Variants in RTN4IP1 observed in about 807,000 individuals in gnomAD.
RTN4IP1 encodes NAD(P)H oxidoreductase RTN4IP1, mitochondrial.
In RTN4IP1, 32 loss-of-function variants were observed where a neutral mutation model predicts 46.6. That is an observed-to-expected ratio of 0.69 (90% confidence interval 0.52 to 0.92). The LOEUF is 0.92. Among genes scored for constraint, RTN4IP1 ranks in the 40% least tolerant of loss-of-function variants. The probability of loss-of-function intolerance (pLI) is 0.00; values close to 1 mark genes in which losing one functional copy is unlikely to be tolerated. For synonymous variants in RTN4IP1, 167 were observed against 161.8 expected, an observed-to-expected ratio of 1.03 and a Z score of -0.24; for missense variants, 424 against 485.8, an observed-to-expected ratio of 0.87 and a Z score of 1.20.
chr6:106,583,433 A>G lies in RTN4IP1; in HGVS notation c.991-13T>C. 1 of 1,597,618 alleles carries G rather than the reference A, an allele frequency of 6.3e-7. No homozygotes were observed. The highest frequency in any genetic ancestry group is 8.6e-7 in the Non-Finnish European group (1 of 1,166,250). ...CTTTCCAGAAATGCTAAAAAGAAGA[A>G]AACAAAACATGTCAAATACAGAAAA... On this transcript the variant is annotated splice_polypyrimidine_tract_variant and intron_variant, in intron 7 of 8. Coordinates refer to ENST00000369063, the MANE Select transcript of RTN4IP1 (RefSeq NM_032730.5).
At chr6:106,619,606 ATT>A (rs869120910) in intron 3 of RTN4IP1, among the ~76,000 whole-genome samples, 2,557 of 110,282 alleles carry the variant, frequency 0.023, 50 homozygotes, top group East Asian at 0.16. Flanking sequence ...ACTTTTCTTC[ATT>A]TTTTTTTTTT....
chr6:106,626,620 A>G (rs1424870915), intron 1 of RTN4IP1, among the ~76,000 whole-genome samples: 1 of 152,210 alleles, frequency 6.6e-6, no homozygotes, highest in Admixed American at 6.5e-5. Flanking sequence ...TAATACATCA[A>G]CTGAGTAGCC....
At chr6:106,586,121 C>T (rs1013100629) in intron 7 of RTN4IP1, among the ~76,000 whole-genome samples, 2 of 152,170 alleles carry the variant, frequency 1.3e-5, no homozygotes, top group Non-Finnish European at 2.9e-5. Context: ...TCCATCATAG[C>T]TCTTTGTTAC....
At chr6:106,611,709 AAATC>A (rs1166049203) in intron 4 of RTN4IP1, among the ~76,000 whole-genome samples, 38 of 152,210 alleles carry the variant, frequency 2.5e-4, no homozygotes, top group Non-Finnish European at 2.1e-4. Context: ...GCTACAAAAC[AAATC>A]AATCAAAGGA....
At chr6:106,629,712 G>A, upstream of RTN4IP1, 1 of 1,605,262 alleles carries the variant, frequency 6.2e-7, no homozygotes, top group African/African-American at 1.3e-5. Context: ...AGAAGTGAGT[G>A]GAATTGGCCC....
intron 6 of RTN4IP1, among the ~76,000 whole-genome samples, chr6:106,589,174 AGG>A (rs1775563307): frequency 1.9e-4 from 4 of 21,602 alleles, no homozygotes; most frequent in Non-Finnish European, 2.1e-4. Flanking sequence ...GAGGCGGTGG[AGG>A]AGGAGGAGGA....
chr6:106,629,650 G>C, upstream of RTN4IP1: 1 of 1,595,742 alleles, frequency 6.3e-7, no homozygotes, highest in Non-Finnish European at 8.5e-7. Context: ...CCCTTGCCTG[G>C]CTCCTGTGGT....
chr6:106,580,169 G>A (rs372825493), intron 8 of RTN4IP1, among the ~76,000 whole-genome samples: 117 of 144,804 alleles, frequency 8.1e-4, no homozygotes, highest in African/African-American at 2.9e-3. Flanking sequence ...AGCTGAGATC[G>A]CGCCACTGCA....
rs72945076 is a variant in RTN4IP1 at position 106,623,093 on chromosome 6, C to A, written c.275-124G>T. On this transcript the variant is annotated intron_variant, in intron 1 of 8. Coordinates refer to ENST00000369063, the MANE Select transcript of RTN4IP1 (RefSeq NM_032730.5). ...ATGTAGATTATAAATCATTCCATTA[C>A]AAAGACACATAAGTGTATGTTCACT... 0.056 allele frequency: 51,328 copies of A among 913,490 alleles called. 1,556 individuals are homozygous for A. The highest frequency in any genetic ancestry group is 0.099 in the Middle Eastern group (294 of 2,962). The allele number at this position is 913,490 out of a possible 1,614,324, so 56.6% of individuals were successfully genotyped here.
In RTN4IP1 at chr6:106,629,307, G is replaced by C. The variant is rs1038322900; in HGVS notation, c.-286C>G. On this transcript the variant is annotated 5_prime_UTR_variant, in exon 1 of 9. Coordinates refer to ENST00000369063, the MANE Select transcript of RTN4IP1 (RefSeq NM_032730.5). ...CCCCCTCCACTTTAAAAAAAAAAGG[G>C]GGGGCGGGGCATTAAAAAGCAGGTG... 3 of 531,242 alleles carry C rather than the reference G, an allele frequency of 5.6e-6. No individual in the cohort carries two copies. The African/African-American group carries it at 5.7e-5, about 10-fold the overall frequency. 32.9% of individuals were successfully genotyped at this position (531,242 alleles called of 1,614,324 possible).
At chr6:106,574,480 C>T (rs1396184876) in intron 8 of RTN4IP1, among the ~76,000 whole-genome samples, 2 of 151,914 alleles carry the variant, frequency 1.3e-5, no homozygotes, top group African/African-American at 4.8e-5. Context: ...GTATGTCCCA[C>T]ATGAAACCTG....
chr6:106,619,672 C>T (rs547720395), intron 3 of RTN4IP1, among the ~76,000 whole-genome samples: 3 of 134,970 alleles, frequency 2.2e-5, no homozygotes, highest in Admixed American at 8.5e-5. Context: ...ACTGCAGTGG[C>T]GTGATCTCGG....
At chr6:106,624,554 C>G (rs1423638762) in intron 1 of RTN4IP1, among the ~76,000 whole-genome samples, 1 of 150,784 alleles carries the variant, frequency 6.6e-6, no homozygotes, top group Non-Finnish European at 1.5e-5. Context: ...CCAGGCTGGT[C>G]TCAAACTCCT....
chr6:106,622,222 A>T (rs1164450194), intron 2 of RTN4IP1, among the ~76,000 whole-genome samples: 2 of 152,224 alleles, frequency 1.3e-5, no homozygotes, highest in African/African-American at 2.4e-5. Context: ...AAGAAGAAAA[A>T]AGTTCAACAG....
At chr6:106,580,058 C>CA (rs1337196568) in intron 8 of RTN4IP1, among the ~76,000 whole-genome samples, 1 of 151,428 alleles carries the variant, frequency 6.6e-6, no homozygotes, top group Non-Finnish European at 1.5e-5. Flanking sequence ...ACTAAAGATA[C>CA]AAAAAATTAG....
chr6:106,608,959 G>A (rs1344980641), intron 4 of RTN4IP1, among the ~76,000 whole-genome samples: 1 of 152,094 alleles, frequency 6.6e-6, no homozygotes, highest in Non-Finnish European at 1.5e-5. Context: ...TTTCCTGAAT[G>A]GAACTCTTCC....
chr6:106,628,467 C>CAA (rs60052923), intron 1 of RTN4IP1, among the ~76,000 whole-genome samples: 4 of 135,334 alleles, frequency 3.0e-5, no homozygotes, highest in African/African-American at 1.1e-4. Flanking sequence ...GACTCAGTCT[C>CAA]AAAAAAAAAA....
chr6:106,583,191 G>C, intron 8 of RTN4IP1, 137 bp downstream of exon 8: 2 of 622,416 alleles, frequency 3.2e-6, no homozygotes, highest in South Asian at 2.0e-5. Flanking sequence ...ATGTAAACTT[G>C]GCCATGTAAG....
At chr6:106,592,331 A>T (rs753109506) in intron 5 of RTN4IP1, 31 bp from the exon 6 acceptor site, 1 of 1,603,832 alleles carries the variant, frequency 6.2e-7, no homozygotes, top group Non-Finnish European at 8.5e-7. Context: ...AAAAAGAATA[A>T]AAAAGGGAGA....
Sources: allele counts gnomAD v4.1 joint callset (sites outside exome capture counted in the v4.1 genomes callset), GRCh38; gene constraint gnomAD v4.1.1; transcripts MANE v1.5; gene names NCBI Gene and HGNC (gene_info 2026-07-23, HGNC 2026-07-21).